The following TJP2 variants were observed in gnomAD, a reference collection of about 807,000 sequenced individuals.
TJP2 encodes Friedreich ataxia region gene X104 (tight junction protein ZO-2).
In TJP2, 91 loss-of-function variants were observed where a neutral mutation model predicts 133.1. That is an observed-to-expected ratio of 0.68 (90% CI 0.58 to 0.81). TJP2 has a LOEUF of 0.81. TJP2 is among the 40% of genes least tolerant of loss of function. The probability of loss-of-function intolerance (pLI) is 0.00; values close to 1 mark genes in which losing one functional copy is unlikely to be tolerated. For synonymous variants in TJP2, 592 were observed against 583.4 expected, an observed-to-expected ratio of 1.01 and a Z score of -0.21; for missense variants, 1,541 against 1,565.6, an observed-to-expected ratio of 0.98 and a Z score of 0.26.
Position 69,174,370 on chromosome 9 carries a change from G to C in TJP2, c.-3G>C. On this transcript the variant is annotated 5_prime_UTR_variant, in exon 1 of 23. Transcript: ENST00000377245. Reference sequence around the variant, plus strand: ...GCGCGCCTACGCGGGACCTGTGTCCGAAATGCCGGTGCGAGGAGACCGCGG... The same window carrying C: ...GCGCGCCTACGCGGGACCTGTGTCCCAAATGCCGGTGCGAGGAGACCGCGG... 1 of 1,551,810 alleles carries C rather than the reference G, an allele frequency of 6.4e-7. No individual in the cohort carries two copies. The highest frequency in any genetic ancestry group is 8.7e-7 in the Non-Finnish European group (1 of 1,147,064).
At chr9:69,130,977 G>T (rs1338177425) in intron 1 of TJP2, among the ~76,000 whole-genome samples, 2 of 152,148 alleles carry the variant, frequency 1.3e-5, no homozygotes, top group Non-Finnish European at 2.9e-5. Flanking sequence ...ATTCTTTCAG[G>T]AAGGGCAGCA....
At position 69,216,494 on chromosome 9, in the gene TJP2, A is replaced by G. The variant is rs368356204; in HGVS notation, c.239+31A>G. 37 of 1,613,434 alleles carry G rather than the reference A, an allele frequency of 2.3e-5. No individual in the cohort carries two copies. In the African/African-American group the frequency reaches 4.9e-4, roughly 22 times the overall value. On this transcript the variant is annotated intron_variant, in intron 3 of 22. Transcript: ENST00000377245. ...TGTCCTCCCTCGCTCCGCAGCCCCTACCAGCCCTACTGGTTGGCCCTAGAC... is the reference window on the plus strand; with the variant it reads ...TGTCCTCCCTCGCTCCGCAGCCCCTGCCAGCCCTACTGGTTGGCCCTAGAC...
intron 1 of TJP2, among the ~76,000 whole-genome samples, chr9:69,146,649 A>G (rs1222243173): frequency 1.3e-5 from 2 of 152,216 alleles, no homozygotes; most frequent in African/African-American, 2.4e-5. Context: ...GAACTACTAG[A>G]ATCGTTTAGG....
At position 69,192,920 on chromosome 9, in the gene TJP2, C is replaced by CTTT. The variant is rs35014942; in HGVS notation, c.60+18505_60+18507dup. 1.9e-3 allele frequency among the ~76,000 whole-genome samples: 202 copies of CTTT among 107,174 alleles called. 1 individual carries two copies. The highest frequency in any genetic ancestry group is 4.9e-3 in the Middle Eastern group (1 of 206). 70.3% of individuals were successfully genotyped at this position (107,174 alleles called of 152,430 possible). A position where few individuals can be genotyped will look rare whatever the true frequency, so the allele number is the denominator to read the frequency against. On this transcript the variant is annotated intron_variant, in intron 1 of 22. Coordinates refer to ENST00000377245, the MANE Select transcript of TJP2 (RefSeq NM_004817.4). ...GTCTTCCTTTCTTCCTTCTCTCTCA[C>CTTT]TTTTTTTTTTTTTTTTTTTGAGATG...
chr9:69,186,725 A>T (rs1825882455), intron 1 of TJP2, among the ~76,000 whole-genome samples: 1 of 152,204 alleles, frequency 6.6e-6, no homozygotes, highest in African/African-American at 2.4e-5. Flanking sequence ...AATATCTATA[A>T]ATATTTCAGC....
chr9:69,158,327 C>CAAAAAAAAA (rs1156502519), intron 2 of TJP2, among the ~76,000 whole-genome samples: 2 of 52,774 alleles, frequency 3.8e-5, no homozygotes, highest in African/African-American at 7.6e-5. Context: ...GACTTTGCCT[C>CAAAAAAAAA]AAAAAAAAAA....
intron 1 of TJP2, among the ~76,000 whole-genome samples, chr9:69,200,844 T>C (rs1826934578): frequency 6.6e-6 from 1 of 152,200 alleles, no homozygotes; most frequent in Non-Finnish European, 1.5e-5. Flanking sequence ...GGAGAGCTGT[T>C]CAGATTTTCC....
chr9:69,210,293 C>T (rs953772418), intron 1 of TJP2, among the ~76,000 whole-genome samples: 1 of 46,892 alleles, frequency 2.1e-5, no homozygotes, highest in Non-Finnish European at 5.0e-5. Context: ...CGTCCCCCCC[C>T]CCCCCCAAAA....
chr9:69,175,609 A>C (rs1235586088), intron 1 of TJP2, among the ~76,000 whole-genome samples: 3 of 152,200 alleles, frequency 2.0e-5, no homozygotes, highest in African/African-American at 7.2e-5. Context: ...ACTCCACTTC[A>C]GTGTGGGGAT....
chr9:69,236,472 C>G (rs919218292), intron 13 of TJP2, among the ~76,000 whole-genome samples: 2 of 152,110 alleles, frequency 1.3e-5, no homozygotes, highest in African/African-American at 4.8e-5. Flanking sequence ...TGAACAACTT[C>G]CTAAGGAGCA....
intron 2 of TJP2, among the ~76,000 whole-genome samples, chr9:69,215,855 A>G (rs903572000): frequency 2.0e-5 from 3 of 152,180 alleles, no homozygotes; most frequent in Non-Finnish European, 4.4e-5. Flanking sequence ...GTGAGTAGTG[A>G]TCACACCGCT....
intron 5 of TJP2, among the ~76,000 whole-genome samples, chr9:69,222,373 C>T (rs980406010): frequency 2.6e-5 from 4 of 151,708 alleles, no homozygotes; most frequent in African/African-American, 9.7e-5. Flanking sequence ...GACAGGTTGG[C>T]CAGGCTGGTC....
intron 1 of TJP2, among the ~76,000 whole-genome samples, chr9:69,208,610 A>T (rs1827617286): frequency 6.6e-6 from 1 of 152,224 alleles, no homozygotes; most frequent in African/African-American, 2.4e-5. Context: ...CAAAACTTTG[A>T]AGAGTTTATA....
At chr9:69,126,386 A>T (rs1219595977) in intron 1 of TJP2, among the ~76,000 whole-genome samples, 1 of 76,852 alleles carries the variant, frequency 1.3e-5, no homozygotes, top group Non-Finnish European at 3.0e-5. Context: ...AGCTCCCCAG[A>T]AAATCAAGTC....
chr9:69,159,320 C>G (rs189339264), intron 2 of TJP2, among the ~76,000 whole-genome samples: 65 of 151,094 alleles, frequency 4.3e-4, no homozygotes, highest in African/African-American at 1.4e-3. Flanking sequence ...GACCCTGTCT[C>G]CAAAAAAATA....
chr9:69,122,100 C>T (rs1485506713), intron 1 of TJP2: 1 of 152,362 alleles, frequency 6.6e-6, no homozygotes, highest in Non-Finnish European at 1.5e-5. Flanking sequence ...GCGGCAGCCA[C>T]AGGTGTCTGG....
At chr9:69,237,810 T>C in intron 14 of TJP2, 68 bp from the exon 15 acceptor site, 1 of 1,133,820 alleles carries the variant, frequency 8.8e-7, no homozygotes, top group Non-Finnish European at 1.3e-6. Context: ...GCCCATACAA[T>C]ACTTTTACTG....
intron 1 of TJP2, among the ~76,000 whole-genome samples, chr9:69,141,841 G>A (rs1344748202): frequency 2.6e-5 from 4 of 151,952 alleles, no homozygotes; most frequent in Admixed American, 2.0e-4. Context: ...CACCCACCTC[G>A]GCCTGCCACA....
chr9:69,151,165 G>A (rs7467352), intron 1 of TJP2, among the ~76,000 whole-genome samples: 63,985 of 151,644 alleles, frequency 0.42, 13,722 homozygotes, highest in East Asian at 0.63. Context: ...GGCTTTTCTT[G>A]TGGGGTTAAT....
Sources: gnomAD v4.1 joint callset for allele counts (sites outside exome capture counted in the v4.1 genomes callset) on GRCh38, gnomAD v4.1.1 for gene constraint, MANE v1.5 for transcripts, NCBI Gene and HGNC (gene_info 2026-07-23, HGNC 2026-07-21) for gene names.